The following MAP2 variants were observed in gnomAD, a reference collection of about 807,000 sequenced individuals.
MAP2 encodes microtubule-associated protein 2.
Under a neutral mutation model 137.6 loss-of-function variants are expected in MAP2, and 14 were observed. The ratio of observed to expected loss-of-function variants is 0.10; its 90% CI spans 0.07 to 0.16. The LOEUF (loss-of-function observed/expected upper bound fraction) is 0.16. MAP2 is among the 10% of genes least tolerant of loss of function. MAP2 has a pLI of 1.00. For missense variants in MAP2, 2,088 were observed against 2,191.5 expected, an observed-to-expected ratio of 0.95 and a Z score of 0.94; for synonymous variants, 786 against 782.3, an observed-to-expected ratio of 1.00 and a Z score of -0.08.
At chr2:209,429,120 A>G (rs1027325993) in intron 1 of MAP2, among the ~76,000 whole-genome samples, 7 of 151,388 alleles carry the variant, frequency 4.6e-5, no homozygotes, top group Admixed American at 6.6e-5. Flanking sequence ...CTCCCGGCTA[A>G]TTTTTTGTAT....
intron 3 of MAP2, among the ~76,000 whole-genome samples, chr2:209,599,778 C>T (rs568688311): frequency 1.4e-4 from 21 of 151,666 alleles, no homozygotes; most frequent in African/African-American, 4.3e-4. Context: ...ATAATAAGTC[C>T]GTACTTTGAA....
chr2:209,522,399 G>A lies in MAP2; in HGVS notation c.-172+14758G>A, dbSNP rs371736295. Among the ~76,000 whole-genome samples the A allele has an allele frequency of 2.6e-5, 4 of 152,250 alleles. No homozygotes were observed. In the East Asian group the frequency reaches 5.8e-4, roughly 22 times the overall value. On this transcript the variant is annotated intron_variant, in intron 2 of 15. Transcript: ENST00000682079. ...ATTTGGAAGAAGTCTTGCAGGTTGG[G>A]ATAAGAGAGACCTAAATCATATTGA... is the stretch of plus-strand genomic sequence containing the variant.
intron 1 of MAP2, among the ~76,000 whole-genome samples, chr2:209,430,251 A>C (rs1263909047): frequency 6.6e-6 from 1 of 151,462 alleles, no homozygotes; most frequent in Non-Finnish European, 1.5e-5. Flanking sequence ...AATCTGTAGC[A>C]TACAATTTCT....
chr2:209,522,567 A>T (rs1243107653), intron 2 of MAP2, among the ~76,000 whole-genome samples: 1 of 152,130 alleles, frequency 6.6e-6, no homozygotes, highest in Non-Finnish European at 1.5e-5. Context: ...TCTGATTGAG[A>T]GTTCAAATCC....
At chr2:209,458,192 G>C (rs1025929817) in intron 1 of MAP2, among the ~76,000 whole-genome samples, 2 of 152,084 alleles carry the variant, frequency 1.3e-5, no homozygotes, top group African/African-American at 4.8e-5. Context: ...AGATTCCCCA[G>C]TGAGAAACCA....
At chr2:209,500,781 T>C (rs558380077) in intron 1 of MAP2, among the ~76,000 whole-genome samples, 40 of 152,292 alleles carry the variant, frequency 2.6e-4, no homozygotes, top group Non-Finnish European at 4.9e-4. Flanking sequence ...TGGTGGCTTA[T>C]GCCTATAATC....
chr2:209,465,353 GGAGT>G lies in MAP2; in HGVS notation c.-222+41082_-222+41085del. On this transcript the variant is annotated intron_variant, in intron 1 of 15. Coordinates refer to ENST00000682079, the MANE Select transcript of MAP2 (RefSeq NM_001375505.1). ...AAATGTGCATTAGTAATCTATCATT[GGAGT>G]GAGTAATATAACATTTGCTATAAAT... is the stretch of plus-strand genomic sequence containing the variant. 2.0e-5 allele frequency among the ~76,000 whole-genome samples: 3 copies of G among 152,194 alleles called. No individual in the cohort carries two copies. The Middle Eastern group carries it at 0.01, about 521-fold the overall frequency.
At chr2:209,482,497 C>A (rs1048217814) in intron 1 of MAP2, among the ~76,000 whole-genome samples, 1 of 152,132 alleles carries the variant, frequency 6.6e-6, no homozygotes, top group Non-Finnish European at 1.5e-5. Flanking sequence ...CCCTTTGACA[C>A]GTGTGGCAAT....
intron 5 of MAP2, among the ~76,000 whole-genome samples, chr2:209,659,807 G>A (rs937249055): frequency 4.6e-5 from 7 of 152,088 alleles, no homozygotes; most frequent in Non-Finnish European, 7.4e-5. Flanking sequence ...GGGAGGCCGA[G>A]GCGGGTGGAT....
At chr2:209,559,659 A>G (rs2071541661) in intron 2 of MAP2, among the ~76,000 whole-genome samples, 2 of 152,046 alleles carry the variant, frequency 1.3e-5, no homozygotes, top group Admixed American at 1.3e-4. Flanking sequence ...TCAAAAAAAT[A>G]AAGAGAAAAA....
At chr2:209,443,459 T>A (rs917010804) in intron 1 of MAP2, among the ~76,000 whole-genome samples, 3 of 151,816 alleles carry the variant, frequency 2.0e-5, no homozygotes, top group African/African-American at 7.2e-5. Flanking sequence ...TTGATTAAAT[T>A]GGTGCTTGTC....
intron 2 of MAP2, among the ~76,000 whole-genome samples, chr2:209,519,212 C>T (rs2062932202): frequency 6.6e-6 from 1 of 152,068 alleles, no homozygotes; most frequent in African/African-American, 2.4e-5. Flanking sequence ...CAAAAGAAAT[C>T]TCACTTTTCT....
chr2:209,611,376 AAATAAC>A (rs771920340), intron 3 of MAP2, among the ~76,000 whole-genome samples: 10 of 152,114 alleles, frequency 6.6e-5, no homozygotes, highest in Admixed American at 1.3e-4. Flanking sequence ...GTAACATAGT[AAATAAC>A]AACATTCTTT....
At chr2:209,616,074 C>T (rs560244794) in intron 3 of MAP2, among the ~76,000 whole-genome samples, 1 of 152,180 alleles carries the variant, frequency 6.6e-6, no homozygotes, top group Non-Finnish European at 1.5e-5. Flanking sequence ...ATTCTTCTCC[C>T]TCTCCACGCT....
intron 7 of MAP2, among the ~76,000 whole-genome samples, 197 bp from the exon 8 acceptor site, chr2:209,692,428 G>T (rs1346796629): frequency 6.6e-6 from 1 of 151,648 alleles, no homozygotes; most frequent in Non-Finnish European, 1.5e-5. Context: ...TACAACCAGA[G>T]TTCATTTTAG....
chr2:209,564,581 A>AC (rs2072977583), intron 2 of MAP2, among the ~76,000 whole-genome samples: 1 of 150,810 alleles, frequency 6.6e-6, no homozygotes, highest in African/African-American at 2.4e-5. Flanking sequence ...AAAAAAAAAA[A>AC]AACCAAAAGC....
intron 13 of MAP2, among the ~76,000 whole-genome samples, chr2:209,714,730 C>T (rs2066857002): frequency 1.3e-5 from 2 of 152,288 alleles, no homozygotes; most frequent in South Asian, 4.1e-4. Context: ...TCTAATCCAA[C>T]CCTCACATTT....
intron 2 of MAP2, among the ~76,000 whole-genome samples, chr2:209,559,000 A>G (rs989035794): frequency 6.6e-5 from 10 of 152,280 alleles, no homozygotes; most frequent in African/African-American, 2.4e-4. Flanking sequence ...CTTCAAGGCC[A>G]TGGGAATATC....
At chr2:209,558,334 A>G (rs2071162866) in intron 2 of MAP2, among the ~76,000 whole-genome samples, 1 of 152,028 alleles carries the variant, frequency 6.6e-6, no homozygotes, top group Admixed American at 6.6e-5. Context: ...GATTACAGGC[A>G]CGCACCACCA....
Sources: gnomAD v4.1 joint callset for allele counts (sites outside exome capture counted in the v4.1 genomes callset) on GRCh38, gnomAD v4.1.1 for gene constraint, MANE v1.5 for transcripts, NCBI Gene and HGNC (gene_info 2026-07-23, HGNC 2026-07-21) for gene names.